JOSD1: variants seen among roughly 807,000 people sequenced by gnomAD.
The protein encoded by JOSD1 is Josephin domain containing 1.
Under a neutral mutation model 24.3 loss-of-function variants are expected in JOSD1, and 11 were observed. That is an observed-to-expected ratio of 0.45 (90% CI 0.29 to 0.75). The LOEUF (loss-of-function observed/expected upper bound fraction) is 0.75, where lower values mean the gene tolerates loss of function less well. Ranked by LOEUF, JOSD1 falls within the 30% of genes least tolerant of loss-of-function variation. JOSD1 has a pLI of 0.11. For missense variants in JOSD1, 184 were observed against 253.5 expected (o/e 0.73, Z 1.86); for synonymous variants, 106 against 93.8 (o/e 1.13, Z -0.75).
At position 38,700,592 on chromosome 22, in the gene JOSD1, G is replaced by A. The variant is rs891999958; in HGVS notation, c.-605C>T. 1.0e-6 allele frequency: 1 copy of A among 985,302 alleles called. No individual in the cohort carries two copies. Among genetic ancestry groups the A allele is most frequent in the South Asian group, 4.7e-5 (1 of 21,290 alleles). The allele number at this position is 985,302 out of a possible 1,614,324, so 61.0% of individuals were successfully genotyped here. On this transcript the variant is annotated 5_prime_UTR_variant, in exon 2 of 5. Coordinates refer to ENST00000683374, the MANE Select transcript of JOSD1 (RefSeq NM_001360236.2). ...GCAGGGCGCGGCTCCCTCGGAAGGC[G>A]CGGATTCTAGCCCTCTGGCCGCGGC...
intron 2 of JOSD1, among the ~76,000 whole-genome samples, chr22:38,689,912 C>CTG (rs57064558): frequency 0.033 from 4,837 of 144,494 alleles, 214 homozygotes; most frequent in African/African-American, 0.1. Flanking sequence ...TAAAGGCATT[C>CTG]TGTGTGTGTG....
intron 2 of JOSD1, among the ~76,000 whole-genome samples, chr22:38,696,067 A>G (rs1294559504): frequency 2.0e-5 from 3 of 152,028 alleles, no homozygotes; most frequent in Admixed American, 1.3e-4. Context: ...GGGTGGGGGG[A>G]AAAATCCTAT....
At chr22:38,700,696 G>T (rs923131383) in intron 1 of JOSD1, 78 bp from the exon 2 acceptor site, 24 of 977,846 alleles carry the variant, frequency 2.5e-5, no homozygotes, top group Non-Finnish European at 2.6e-5. Context: ...CTGCCCGAGG[G>T]AAGGTTCCGC....
rs2092494709 is a variant in JOSD1 at position 38,685,665 on chromosome 22, T to C, written c.*2237A>G. 1 of 152,648 alleles carries C rather than the reference T, an allele frequency of 6.6e-6. No homozygotes were observed. Among genetic ancestry groups the C allele is most frequent in the African/African-American group, 2.4e-5 (1 of 41,458 alleles). The allele number at this position is 152,648 out of a possible 1,614,324, so 9.5% of individuals were successfully genotyped here. On this transcript the variant is annotated 3_prime_UTR_variant, in exon 5 of 5. Coordinates refer to ENST00000683374, the MANE Select transcript of JOSD1 (RefSeq NM_001360236.2). ...TATTTGGTTAAACAAAATACATCTT[T>C]TGTAAACAAACGCAGCACAAGGCCA...
intron 2 of JOSD1, among the ~76,000 whole-genome samples, chr22:38,698,336 G>A (rs895340649): frequency 1.4e-4 from 22 of 152,158 alleles, no homozygotes; most frequent in African/African-American, 4.8e-4. Flanking sequence ...GTTACTACTG[G>A]CATTGGAAAA....
intron 2 of JOSD1, among the ~76,000 whole-genome samples, chr22:38,690,874 A>G (rs1169883862): frequency 1.3e-5 from 2 of 151,980 alleles, no homozygotes; most frequent in Non-Finnish European, 2.9e-5. Flanking sequence ...TACAAAAATT[A>G]GCCAGGCGTG....
intron 2 of JOSD1, among the ~76,000 whole-genome samples, chr22:38,690,915 G>A (rs2092519045): frequency 6.6e-6 from 1 of 152,076 alleles, no homozygotes; most frequent in African/African-American, 2.4e-5. Flanking sequence ...CAACTACTCA[G>A]GAGACTGAGG....
chr22:38,694,985 T>C (rs1164030673), intron 2 of JOSD1, among the ~76,000 whole-genome samples: 11 of 152,016 alleles, frequency 7.2e-5, no homozygotes, highest in Admixed American at 6.6e-4. Flanking sequence ...ACTATGGTGA[T>C]GATTTTGGAT....
Position 38,699,071 on chromosome 22 carries a change from G to A in JOSD1, c.185+732C>T, listed in dbSNP as rs1307882094. On this transcript the variant is annotated intron_variant, in intron 2 of 4. Transcript: ENST00000683374. ...AAAACCTGAACCTCTATTAACCTGT[G>A]GGGTGGCATTTGTTCTAAGTGGGTA... 2.6e-5 allele frequency among the ~76,000 whole-genome samples: 4 copies of A among 152,248 alleles called. No homozygotes were observed. The East Asian group carries it at 7.7e-4, about 29-fold the overall frequency.
Position 38,699,956 on chromosome 22 carries a change from G to A in JOSD1, c.32C>T (p.Ala11Val). ...GGGCAGCTCCAATGATTCAGATTTG[G>A]CCTTGTCTCCTTTCCATGGCACACA... MSCVPWKGDK[A>V]KSESLELPQA... Residue 11 changes from alanine to valine, a missense_variant, in exon 2 of 5, where the codon GCC (alanine) becomes GTC (valine). By Grantham distance (64) the Ala-to-Val change is moderately conservative (BLOSUM62 0). Transcript: ENST00000683374. 6.2e-7 allele frequency: 1 copy of A among 1,611,452 alleles called. No individual in the cohort carries two copies.
intron 2 of JOSD1, among the ~76,000 whole-genome samples, chr22:38,696,304 C>A (rs2092545996): frequency 6.6e-6 from 1 of 151,278 alleles, no homozygotes; most frequent in Admixed American, 6.6e-5. Context: ...GTGGTGCGAT[C>A]TTGGCTCACT....
intron 3 of JOSD1, 70 bp from the exon 4 acceptor site, chr22:38,689,199 A>G: frequency 1.2e-6 from 2 of 1,601,638 alleles, no homozygotes; most frequent in Non-Finnish European, 1.7e-6. Flanking sequence ...GTAATACCAC[A>G]ACTGGCTACC....
chr22:38,688,059 G>A (rs917328285), intron 4 of JOSD1, 58 bp from the exon 5 acceptor site: 3 of 1,202,680 alleles, frequency 2.5e-6, no homozygotes, highest in Non-Finnish European at 3.7e-6. Context: ...TCCAGTCTCA[G>A]GACCACAAAG....
upstream of JOSD1, chr22:38,701,153 G>T: frequency 4.4e-6 from 1 of 226,554 alleles, no homozygotes; most frequent in Non-Finnish European, 7.4e-6. Context: ...AAAGGCCGTG[G>T]GTGTGGGGCT....
Position 38,700,284 on chromosome 22 carries a change from A to T in JOSD1, c.-297T>A. On this transcript the variant is annotated 5_prime_UTR_variant, in exon 2 of 5. Transcript: ENST00000683374. ...TGTAAGACCTTGTTTCCGTTTCCCCACCCTTCCCTCCCACCCCCCTCCAAA... is the reference window on the plus strand; with the variant it reads ...TGTAAGACCTTGTTTCCGTTTCCCCTCCCTTCCCTCCCACCCCCCTCCAAA... 1.7e-6 allele frequency: 1 copy of T among 578,264 alleles called. No individual in the cohort carries two copies. The highest frequency in any genetic ancestry group is 2.2e-6 in the Non-Finnish European group (1 of 454,042). 35.8% of individuals were successfully genotyped at this position (578,264 alleles called of 1,614,324 possible). A position where few individuals can be genotyped will look rare whatever the true frequency, so the allele number is the denominator to read the frequency against.
chr22:38,692,781 C>CAAA lies in JOSD1; in HGVS notation c.186-3360_186-3358dup, dbSNP rs61214432. 2.2e-3 allele frequency among the ~76,000 whole-genome samples: 100 copies of CAAA among 44,906 alleles called. 1 individual carries two copies. Among genetic ancestry groups the CAAA allele is most frequent in the African/African-American group, 5.6e-3 (73 of 12,940 alleles). The allele number at this position is 44,906 out of a possible 152,430, so 29.5% of individuals were successfully genotyped here. ...GGGCAACAAGAGCAAAACTCTGTCTCAAAAAAAAAAAAAAAAAAAAAAAAG... is the reference window on the plus strand; with the variant it reads ...GGGCAACAAGAGCAAAACTCTGTCTCAAAAAAAAAAAAAAAAAAAAAAAAAAAG... On this transcript the variant is annotated intron_variant, in intron 2 of 4. Transcript: ENST00000683374.
chr22:38,687,936 A>C lies in JOSD1; in HGVS notation c.575T>G (p.Val192Gly). The C allele has an allele frequency of 6.2e-7, 1 of 1,613,832 alleles. No individual in the cohort carries two copies. The highest frequency in any genetic ancestry group is 8.5e-7 in the Non-Finnish European group (1 of 1,179,764). Residue 192 changes from valine to glycine, a missense_variant, in exon 5 of 5, where the codon GTA becomes GGA. Physicochemically the swap from Val to Gly is moderately radical, Grantham distance 109 (BLOSUM62 -3). Transcript: ENST00000683374. ...GGTCCTCCAACTCTGATGAGCCTCT[A>C]CCTCTTCTGGTACCACCAGCAGGAG... ...CELLLVVPEE[V>G]EAHQSWRTDV is the part of the protein sequence containing the mutation.
At chr22:38,695,510 C>T (rs1460426952) in intron 2 of JOSD1, among the ~76,000 whole-genome samples, 3 of 148,240 alleles carry the variant, frequency 2.0e-5, no homozygotes, top group South Asian at 2.1e-4. Context: ...TGCAGTGGCA[C>T]GAACATGGCT....
rs2092563361 is a variant in JOSD1, at chr22:38,700,374, A to G, written c.-387T>C. The G allele has an allele frequency of 2.0e-6, 2 of 992,818 alleles. No individual in the cohort carries two copies. Among genetic ancestry groups the G allele is most frequent in the South Asian group, 8.8e-5 (2 of 22,684 alleles). 61.5% of individuals were successfully genotyped at this position (992,818 alleles called of 1,614,324 possible). ...AGGCCTCAAAGCAGGAGGACCGAACACAATCGGTCACATCGCTCCTTTTCT... is the reference window on the plus strand; with the variant it reads ...AGGCCTCAAAGCAGGAGGACCGAACGCAATCGGTCACATCGCTCCTTTTCT... On this transcript the variant is annotated 5_prime_UTR_variant, in exon 2 of 5. Transcript: ENST00000683374.
Sources: allele counts gnomAD v4.1 joint callset (sites outside exome capture counted in the v4.1 genomes callset), GRCh38; gene constraint gnomAD v4.1.1; transcripts MANE v1.5; gene names NCBI Gene and HGNC (gene_info 2026-07-23, HGNC 2026-07-21).